Variants in HECTD4 observed in about 807,000 individuals in gnomAD.
HECTD4 encodes HECT domain E3 ubiquitin protein ligase 4, also known as probable E3 ubiquitin-protein ligase HECTD4.
Under a neutral mutation model 471.5 loss-of-function variants are expected in HECTD4, and 114 were observed. The observed-to-expected ratio is 0.24, with a 90% CI of 0.21 to 0.28. HECTD4 has a LOEUF of 0.28. Ranked by LOEUF, HECTD4 falls within the 10% of genes least tolerant of loss-of-function variation. The pLI is 1.00. For missense variants in HECTD4, 3,866 were observed against 5,651.5 expected (o/e 0.68, Z 10.13); for synonymous variants, 2,012 against 2,256.0 (o/e 0.89, Z 3.07).
intron 67 of HECTD4, 111 bp from the exon 68 acceptor site, chr12:112,171,374 A>G (rs2031214525): frequency 1.3e-6 from 2 of 1,493,800 alleles, no homozygotes; most frequent in Non-Finnish European, 1.8e-6. Context: ...TGGATTTTTT[A>G]CCTGGGACCC....
Position 112,381,446 on chromosome 12 carries a change from G to A in HECTD4, c.177+506C>T, listed in dbSNP as rs1594091323. On this transcript the variant is annotated intron_variant, in intron 1 of 75. Coordinates refer to ENST00000682272, the MANE Select transcript of HECTD4 (RefSeq NM_001388303.1). The surrounding 1 kb of genome is among the most constrained non-coding windows in gnomAD (Gnocchi z 4.1). ...TTGCTGGATTGCCCATCGCGGACCC[G>A]CAGCTGCCACTACCCTCTCCCGGAA... Among the ~76,000 whole-genome samples the A allele has an allele frequency of 6.6e-6, 1 of 152,188 alleles. No individual in the cohort carries two copies. Among genetic ancestry groups the A allele is most frequent in the East Asian group, 1.9e-4 (1 of 5,168 alleles).
Position 112,163,673 on chromosome 12 carries a change from C to T in HECTD4, c.12766G>A (p.Val4256Met), listed in dbSNP as rs2030797524. Residue 4256 changes from valine (V) to methionine (M), a missense_variant, in exon 74 of 76, where the codon GTG (valine) becomes ATG (methionine). Val to Met is a conservative substitution (Grantham distance 21). Around this residue, in one of 16 missense-constraint regions of HECTD4, gnomAD observed 715 missense variants for 1,087.6 expected, o/e 0.66. Transcript: ENST00000682272. The surrounding 1 kb of genome is among the most constrained non-coding windows in gnomAD (Gnocchi z 8.2). ...RSLRLRELQN[V>M]ECVTAVRAGL... ...GCCCGCACGGCCGTCACGCACTCCA[C>T]ATTCTGCAGCTCCCGCAGCCGCAGG... The T allele has an allele frequency of 5.9e-6, 9 of 1,528,874 alleles. No homozygotes were observed. Among genetic ancestry groups the T allele is most frequent in the Non-Finnish European group, 7.0e-6 (8 of 1,137,808 alleles). The allele number at this position is 1,528,874 out of a possible 1,614,324, so 94.7% of individuals were successfully genotyped here. A position where few individuals can be genotyped will look rare whatever the true frequency, so the allele number is the denominator to read the frequency against.
intron 6 of HECTD4, 30 bp from the exon 7 acceptor site, chr12:112,306,264 A>C: frequency 6.9e-7 from 1 of 1,447,510 alleles, no homozygotes; most frequent in Non-Finnish European, 9.1e-7. Context: ...AATCTCCATT[A>C]GAGCCACATA....
At chr12:112,183,008 TA>T in intron 62 of HECTD4, 50 bp downstream of exon 62, 1 of 1,379,882 alleles carries the variant, frequency 7.2e-7, no homozygotes, top group Non-Finnish European at 1.0e-6. Context: ...TCTGTGAGCC[TA>T]AAATTGCTCC....
At chr12:112,233,845 G>GT (rs34779877) in intron 37 of HECTD4, among the ~76,000 whole-genome samples, 4 of 151,772 alleles carry the variant, frequency 2.6e-5, no homozygotes, top group Non-Finnish European at 5.9e-5. Context: ...TATTTTGTTT[G>GT]TTTTTTTCAA....
intron 1 of HECTD4, among the ~76,000 whole-genome samples, chr12:112,333,163 C>T (rs576243830): frequency 6.6e-6 from 1 of 152,302 alleles, no homozygotes; most frequent in South Asian, 2.1e-4. Context: ...CTGCTATGAA[C>T]ATTCATGCAC....
intron 44 of HECTD4, among the ~76,000 whole-genome samples, chr12:112,223,003 T>A (rs543389415): frequency 2.9e-4 from 44 of 152,226 alleles, no homozygotes; most frequent in African/African-American, 8.7e-4. Flanking sequence ...TAAGCCTGGA[T>A]CTCAGCTGAG....
intron 9 of HECTD4, among the ~76,000 whole-genome samples, chr12:112,278,724 C>T (rs1020095231): frequency 1.3e-5 from 2 of 152,206 alleles, no homozygotes; most frequent in Non-Finnish European, 2.9e-5. Flanking sequence ...GAAACGCCAT[C>T]TCTACTAAAA....
At position 112,381,935 on chromosome 12, in the gene HECTD4, G is replaced by A; in HGVS notation, c.177+17C>T. 1 of 1,222,414 alleles carries A rather than the reference G, an allele frequency of 8.2e-7. No individual in the cohort carries two copies. Among genetic ancestry groups the A allele is most frequent in the Non-Finnish European group, 1.0e-6 (1 of 981,814 alleles). The allele number at this position is 1,222,414 out of a possible 1,614,324, so 75.7% of individuals were successfully genotyped here. ...TGGGTCAGTCCGATGGCGGGGGCCGGGGGCCGCCTCGCTCACCTCCAGGTC... is the reference window on the plus strand; with the variant it reads ...TGGGTCAGTCCGATGGCGGGGGCCGAGGGCCGCCTCGCTCACCTCCAGGTC... On this transcript the variant is annotated intron_variant, in intron 1 of 75. Transcript: ENST00000682272. The surrounding 1 kb of genome is among the most constrained non-coding windows in gnomAD (Gnocchi z 4.1).
chr12:112,176,543 C>T (rs2031456152), intron 65 of HECTD4, 53 bp downstream of exon 65: 1 of 1,297,388 alleles, frequency 7.7e-7, no homozygotes, highest in African/African-American at 1.5e-5. Flanking sequence ...GGTGCCTAGT[C>T]TCCAGGATGG....
intron 69 of HECTD4, chr12:112,169,909 C>A (rs2031144762): frequency 1.7e-6 from 1 of 590,200 alleles, no homozygotes; most frequent in Non-Finnish European, 3.0e-6. Context: ...CTAGAGGCTT[C>A]CCTCTGCCTC....
intron 25 of HECTD4, among the ~76,000 whole-genome samples, chr12:112,248,889 A>G (rs1428550116): frequency 6.6e-6 from 1 of 152,226 alleles, no homozygotes; most frequent in Non-Finnish European, 1.5e-5. Context: ...CCCAGGCCCA[A>G]GAGAGTATTT....
At chr12:112,339,606 G>A (rs1299307423) in intron 1 of HECTD4, among the ~76,000 whole-genome samples, 1 of 152,030 alleles carries the variant, frequency 6.6e-6, no homozygotes, top group Non-Finnish European at 1.5e-5. Flanking sequence ...GTGTATGTTT[G>A]TGTGTGTATT....
chr12:112,194,908 T>G lies in HECTD4; in HGVS notation c.8726A>C (p.Gln2909Pro). 6.2e-6 allele frequency: 10 copies of G among 1,608,268 alleles called. No individual in the cohort carries two copies. Among genetic ancestry groups the G allele is most frequent in the Non-Finnish European group, 8.5e-6 (10 of 1,177,536 alleles). The change falls in exon 56 of 76, where the codon CAG becomes CCG. Residue 2909 changes from glutamine (Q) to proline (P), a missense_variant. Transcript: ENST00000682272. This position sits in a 1 kb window ranked among gnomAD's most constrained non-coding sequence, Gnocchi z 4.6. ...ACCTGGGAGAGGAGGTGCGAGGAGC[T>G]GATTGGACAGCAGTTGCAGGTGCTC... ...TLEHLQLLSN[Q>P]LLAPPLPDGT... is the part of the protein sequence containing the mutation.
intron 25 of HECTD4, among the ~76,000 whole-genome samples, chr12:112,249,368 AAG>A (rs1491371571): frequency 1.3e-5 from 2 of 151,940 alleles, no homozygotes; most frequent in African/African-American, 4.8e-5. Flanking sequence ...AAAAAAAAAA[AAG>A]AGACTTCATT....
chr12:112,300,907 T>C lies in HECTD4; in HGVS notation c.1335+5157A>G, dbSNP rs1286975020. 2.0e-5 allele frequency among the ~76,000 whole-genome samples: 3 copies of C among 151,724 alleles called. No homozygotes were observed. In the Admixed American group the frequency reaches 2.0e-4, roughly 10 times the overall value. ...TTTTCTTTTTCTTTTTTTTTTGAGA[T>C]GGAGCCTCGCTGTGTCGCCCAGGCT... On this transcript the variant is annotated intron_variant, in intron 7 of 75. Coordinates refer to ENST00000682272, the MANE Select transcript of HECTD4 (RefSeq NM_001388303.1).
At chr12:112,189,550 CAAAAAAAAAAAAA>C (rs57209316) in intron 60 of HECTD4, among the ~76,000 whole-genome samples, 2 of 30,436 alleles carry the variant, frequency 6.6e-5, no homozygotes, top group African/African-American at 1.1e-4. Context: ...GACTCCGTCT[CAAAAAAAAAAAAA>C]AAAAAAAAAA....
At chr12:112,364,300 G>A (rs1178875318) in intron 1 of HECTD4, among the ~76,000 whole-genome samples, 2 of 151,132 alleles carry the variant, frequency 1.3e-5, no homozygotes, top group African/African-American at 2.4e-5. Context: ...CCAGATACTT[G>A]GGAAGCTGAG....
In HECTD4 at chr12:112,208,611, G is replaced by A. The variant is rs1055176500; in HGVS notation, c.7887C>T (p.Ser2629=). The A allele has an allele frequency of 1.1e-5, 18 of 1,598,300 alleles. No homozygotes were observed. The highest frequency in any genetic ancestry group is 1.5e-5 in the Non-Finnish European group (18 of 1,174,310). The change falls in exon 51 of 76, where the codon TCC becomes TCT. Residue 2629 remains serine, a synonymous_variant. Coordinates refer to ENST00000682272, the MANE Select transcript of HECTD4 (RefSeq NM_001388303.1). The stretch of plus-strand genomic sequence containing the variant: ...AGCTGAGCTCGACTTTATAATGACA[G>A]GAGGTGTCACTATCATATTCTGTAA... ...TAQQQYDSDT[S]CHYKVELSYE...
Sources: allele counts gnomAD v4.1 joint callset (sites outside exome capture counted in the v4.1 genomes callset), GRCh38; gene constraint gnomAD v4.1.1; regional missense constraint gnomAD v4.1.1; non-coding constraint Gnocchi (gnomAD v3.1); transcripts MANE v1.5; gene names NCBI Gene and HGNC (gene_info 2026-07-23, HGNC 2026-07-21).